PTGER3: variants seen among roughly 807,000 people sequenced by gnomAD.
PTGER3 encodes prostaglandin E receptor 3, also known as prostaglandin E2 receptor EP3 subtype.
Under a neutral mutation model 34.7 loss-of-function variants are expected in PTGER3, and 22 were observed. That is an observed-to-expected ratio of 0.63 (90% confidence interval 0.45 to 0.91). PTGER3 has a LOEUF of 0.91. Ranked by LOEUF, PTGER3 falls within the 40% of genes least tolerant of loss-of-function variation. The probability of loss-of-function intolerance (pLI) is 0.00; values close to 1 mark genes in which losing one functional copy is unlikely to be tolerated. For synonymous variants in PTGER3, 241 were observed against 230.1 expected (o/e 1.05, Z -0.43); for missense variants, 468 against 519.4 (o/e 0.90, Z 0.96).
intron 4 of PTGER3, among the ~76,000 whole-genome samples, chr1:70,924,297 A>T (rs970111840): frequency 6.6e-6 from 1 of 152,226 alleles, no homozygotes; most frequent in Non-Finnish European, 1.5e-5. Flanking sequence ...ATAATAAAGC[A>T]AATCAATCTT....
intron 2 of PTGER3, chr1:71,007,941 T>G (rs1007784582): frequency 1.0e-6 from 1 of 985,064 alleles, no homozygotes; most frequent in African/African-American, 1.7e-5. Context: ...CTGATGGTGA[T>G]CTCTTTCCTT....
intron 4 of PTGER3, among the ~76,000 whole-genome samples, chr1:70,881,437 A>G (rs184513104): frequency 6.6e-6 from 1 of 152,276 alleles, no homozygotes; most frequent in Admixed American, 6.5e-5. Flanking sequence ...CAGGTTAACA[A>G]CCTTTGCTGG....
intron 1 of PTGER3, among the ~76,000 whole-genome samples, chr1:71,027,539 C>T (rs1025880280): frequency 2.6e-5 from 4 of 152,158 alleles, no homozygotes; most frequent in African/African-American, 4.8e-5. Flanking sequence ...TGGAACTATC[C>T]GGTTCCCCAA....
At chr1:71,009,357 G>A (rs1657242185) in intron 2 of PTGER3, 1 of 978,734 alleles carries the variant, frequency 1.0e-6, no homozygotes, top group Middle Eastern at 5.3e-4. Flanking sequence ...CTATATTTCA[G>A]ACTAGTTTAA....
At chr1:71,008,780 T>G in intron 2 of PTGER3, 1 of 956,590 alleles carries the variant, frequency 1.0e-6, no homozygotes, top group Non-Finnish European at 1.2e-6. Context: ...CTGTGAAAAT[T>G]TGTCATTGTT....
intron 4 of PTGER3, among the ~76,000 whole-genome samples, chr1:70,892,279 A>G (rs1646634503): frequency 6.6e-6 from 1 of 152,222 alleles, no homozygotes; most frequent in Non-Finnish European, 1.5e-5. Context: ...TGTTGACGAT[A>G]ACCCTACCTC....
intron 3 of PTGER3, chr1:70,953,731 C>T: frequency 6.5e-7 from 1 of 1,536,854 alleles, no homozygotes; most frequent in Non-Finnish European, 8.8e-7. Flanking sequence ...GATTCAAATG[C>T]AACTAGTTTT....
At chr1:70,871,323 A>G (rs1006651043) in intron 4 of PTGER3, among the ~76,000 whole-genome samples, 1 of 152,146 alleles carries the variant, frequency 6.6e-6, no homozygotes, top group African/African-American at 2.4e-5. Context: ...GCTCACCATC[A>G]TGAGGACACC....
At chr1:71,034,235 GT>G (rs1251729614) in intron 1 of PTGER3, among the ~76,000 whole-genome samples, 2 of 152,062 alleles carry the variant, frequency 1.3e-5, no homozygotes, top group African/African-American at 4.8e-5. Context: ...GGGAAAAACT[GT>G]TAAAGTTTTT....
intron 1 of PTGER3, among the ~76,000 whole-genome samples, chr1:71,024,492 C>T (rs549324979): frequency 1.3e-5 from 2 of 152,208 alleles, no homozygotes; most frequent in African/African-American, 4.8e-5. Flanking sequence ...AGGTATATCA[C>T]AGCAAGGGCC....
chr1:71,006,344 A>T, intron 2 of PTGER3: 1 of 985,384 alleles, frequency 1.0e-6, no homozygotes, highest in African/African-American at 1.7e-5. Flanking sequence ...TTCTCCCTTC[A>T]TTGAAGAAGG....
At chr1:70,934,048 A>C (rs1648976992) in intron 4 of PTGER3, among the ~76,000 whole-genome samples, 1 of 152,166 alleles carries the variant, frequency 6.6e-6, no homozygotes, top group Non-Finnish European at 1.5e-5. Flanking sequence ...TTTTCTCACA[A>C]TTATAATAAC....
chr1:71,019,765 A>T (rs1057458078), intron 1 of PTGER3, among the ~76,000 whole-genome samples: 5 of 152,192 alleles, frequency 3.3e-5, no homozygotes, highest in Admixed American at 6.5e-5. Context: ...GTTGTAGGCC[A>T]CACATATCTA....
At chr1:70,865,979 C>A (rs1646034085) in intron 4 of PTGER3, 2 of 401,556 alleles carry the variant, frequency 5.0e-6, no homozygotes, top group South Asian at 5.0e-5. Flanking sequence ...TCAACTCAAG[C>A]ACTTCCTTCT....
intron 4 of PTGER3, among the ~76,000 whole-genome samples, chr1:70,939,647 A>T (rs910898743): frequency 1.5e-4 from 23 of 152,250 alleles, no homozygotes; most frequent in Non-Finnish European, 3.4e-4. Context: ...ACCACATGGA[A>T]GCTGCCAAGG....
intron 1 of PTGER3, among the ~76,000 whole-genome samples, chr1:71,024,757 G>A (rs1353857671): frequency 2.0e-5 from 3 of 147,534 alleles, no homozygotes; most frequent in Admixed American, 1.4e-4. Context: ...GTTTCACCGT[G>A]TTGACCAGGC....
chr1:71,043,133 C>A (rs1041530251), intron 1 of PTGER3, among the ~76,000 whole-genome samples: 23 of 152,190 alleles, frequency 1.5e-4, no homozygotes, highest in African/African-American at 5.5e-4. Context: ...TCAGGTCAAA[C>A]AACTGAGCTA....
chr1:70,971,204 C>T lies in PTGER3; in HGVS notation c.*526G>A. The stretch of plus-strand genomic sequence containing the variant: ...CTCTAAAACATTAATCATAATTGGG[C>T]ACAAATATTTTTTGTCACGATTCCC... On this transcript the variant is annotated 3_prime_UTR_variant, in exon 4 of 4. Coordinates refer to ENST00000306666, the MANE Select transcript of PTGER3 (RefSeq NM_198719.2). 1 of 985,362 alleles carries T rather than the reference C, an allele frequency of 1.0e-6. No homozygotes were observed. The allele number at this position is 985,362 out of a possible 1,614,324, so 61.0% of individuals were successfully genotyped here. A position where few individuals can be genotyped will look rare whatever the true frequency, so the allele number is the denominator to read the frequency against.
At chr1:71,017,140 C>T (rs767267310) in intron 1 of PTGER3, among the ~76,000 whole-genome samples, 13 of 151,886 alleles carry the variant, frequency 8.6e-5, no homozygotes, top group Non-Finnish European at 1.5e-4. Flanking sequence ...AGGACCCAGA[C>T]GTGAGGAGAT....
Sources: gnomAD v4.1 joint callset for allele counts (sites outside exome capture counted in the v4.1 genomes callset) on GRCh38, gnomAD v4.1.1 for gene constraint, MANE v1.5 for transcripts, NCBI Gene and HGNC (gene_info 2026-07-23, HGNC 2026-07-21) for gene names.